PTGIS: variants seen among roughly 807,000 people sequenced by gnomAD.
PTGIS encodes the protein prostacyclin synthase.
Under a neutral mutation model 50.3 loss-of-function variants are expected in PTGIS, and 45 were observed. That is an observed-to-expected ratio of 0.90 (90% CI 0.70 to 1.15). The LOEUF (loss-of-function observed/expected upper bound fraction) is 1.15, where lower values mean the gene tolerates loss of function less well. Ranked by LOEUF, PTGIS falls within the 50% of genes most tolerant of loss-of-function variation. The probability of loss-of-function intolerance (pLI) is 0.00; values close to 1 mark genes in which losing one functional copy is unlikely to be tolerated. For missense variants in PTGIS, 668 were observed against 661.3 expected (o/e 1.01, Z -0.11); for synonymous variants, 260 against 267.7 (o/e 0.97, Z 0.28).
chr20:49,548,892 A>G (rs1982436542), intron 2 of PTGIS, among the ~76,000 whole-genome samples: 1 of 152,220 alleles, frequency 6.6e-6, no homozygotes, highest in Non-Finnish European at 1.5e-5. Flanking sequence ...AAATGTACCA[A>G]TAAATGTTGG....
At chr20:49,518,518 T>C (rs1365848141) in intron 6 of PTGIS, among the ~76,000 whole-genome samples, 2 of 152,198 alleles carry the variant, frequency 1.3e-5, no homozygotes, top group African/African-American at 4.8e-5. Flanking sequence ...TGTCCCAATG[T>C]GAATTTCTTA....
At chr20:49,555,999 G>T (rs993876125) in intron 1 of PTGIS, among the ~76,000 whole-genome samples, 4 of 152,280 alleles carry the variant, frequency 2.6e-5, no homozygotes, top group South Asian at 2.1e-4. Flanking sequence ...ACAGGAGATT[G>T]AAATAATCTT....
At chr20:49,522,696 T>C (rs1568672158) in intron 6 of PTGIS, among the ~76,000 whole-genome samples, 2 of 152,104 alleles carry the variant, frequency 1.3e-5, no homozygotes, top group Non-Finnish European at 2.9e-5. Flanking sequence ...GTAAATGTAA[T>C]GAGAAACAAT....
In PTGIS at chr20:49,540,818, C is replaced by T. The variant is rs902917291; in HGVS notation, c.522-1097G>A. On this transcript the variant is annotated intron_variant, in intron 4 of 9. Transcript: ENST00000244043. The surrounding 1 kb of genome is among the most constrained non-coding windows in gnomAD (Gnocchi z 4.8). Reference sequence around the variant, plus strand: ...GGCTTTCATTTTGTCATCTCTGCCTCAGCAGAGAGTCACAACAAAGAGACG... The same window carrying T: ...GGCTTTCATTTTGTCATCTCTGCCTTAGCAGAGAGTCACAACAAAGAGACG... Among the ~76,000 whole-genome samples the T allele has an allele frequency of 2.0e-5, 3 of 152,214 alleles. No individual in the cohort carries two copies. The highest frequency in any genetic ancestry group is 7.2e-5 in the African/African-American group (3 of 41,452).
At chr20:49,553,953 T>C (rs1173717968) in intron 1 of PTGIS, among the ~76,000 whole-genome samples, 1 of 152,174 alleles carries the variant, frequency 6.6e-6, no homozygotes, top group African/African-American at 2.4e-5. Flanking sequence ...TGTGAACAAG[T>C]TGACTATAAT....
intron 6 of PTGIS, among the ~76,000 whole-genome samples, chr20:49,516,598 G>A (rs1445679673): frequency 2.0e-5 from 3 of 152,156 alleles, no homozygotes; most frequent in Admixed American, 2.0e-4. Context: ...CTTAACCACA[G>A]AAGAAAAACC....
At chr20:49,519,358 T>C (rs1404139244) in intron 6 of PTGIS, among the ~76,000 whole-genome samples, 1 of 152,102 alleles carries the variant, frequency 6.6e-6, no homozygotes, top group East Asian at 1.9e-4. Flanking sequence ...CCAGGGTAAG[T>C]GCTCAGTATC....
At chr20:49,559,446 T>G (rs1982707245) in intron 1 of PTGIS, among the ~76,000 whole-genome samples, 2 of 152,212 alleles carry the variant, frequency 1.3e-5, no homozygotes, top group South Asian at 4.1e-4. Context: ...TCTAAATTAT[T>G]TCTTGCCTGA....
chr20:49,524,040 T>C lies in PTGIS; in HGVS notation c.855+18A>G. On this transcript the variant is annotated intron_variant, in intron 6 of 9. Transcript: ENST00000244043. ...CACATGCACACCTGCACACACCCAC[T>C]TGCACATTCACACCCACCTGTGTGG... 6.2e-7 allele frequency: 1 copy of C among 1,614,032 alleles called. No homozygotes were observed. Among genetic ancestry groups the C allele is most frequent in the South Asian group, 1.1e-5 (1 of 91,080 alleles).
chr20:49,528,492 C>T (rs187016846), intron 5 of PTGIS, among the ~76,000 whole-genome samples: 76 of 152,096 alleles, frequency 5.0e-4, no homozygotes, highest in Middle Eastern at 3.4e-3. Flanking sequence ...TGGTGGTGGG[C>T]GCCTGTAGTC....
At chr20:49,562,354 G>A (rs1404273790) in intron 1 of PTGIS, among the ~76,000 whole-genome samples, 2 of 152,214 alleles carry the variant, frequency 1.3e-5, no homozygotes. Flanking sequence ...GTTATTCCTG[G>A]CAGCTTTCCT....
intron 4 of PTGIS, 60 bp from the exon 5 acceptor site, chr20:49,539,781 T>TACTC: frequency 6.4e-7 from 1 of 1,566,470 alleles, no homozygotes; most frequent in Non-Finnish European, 8.6e-7. Flanking sequence ...TGGCCACAGC[T>TACTC]ACTCACAAGA....
At chr20:49,557,010 C>G (rs1261686260) in intron 1 of PTGIS, among the ~76,000 whole-genome samples, 1 of 152,134 alleles carries the variant, frequency 6.6e-6, no homozygotes, top group Non-Finnish European at 1.5e-5. Context: ...CATTTTCATA[C>G]CTGCCTACTG....
At position 49,514,432 on chromosome 20, in the gene PTGIS, G is replaced by A. The variant is rs779849848; in HGVS notation, c.856-37C>T. On this transcript the variant is annotated intron_variant, in intron 6 of 9. Transcript: ENST00000244043. ...AGGGCCCCTGTTATGCCATTATGAG[G>A]GCAGAGCTGACTCGTCTCTGCCAGG... The A allele has an allele frequency of 1.9e-6, 3 of 1,607,634 alleles. No individual in the cohort carries two copies. In the East Asian group the frequency reaches 6.7e-5, roughly 36 times the overall value.
chr20:49,507,838 G>A lies in PTGIS; in HGVS notation c.*82C>T, dbSNP rs975818366. 4 of 1,583,940 alleles carry A rather than the reference G, an allele frequency of 2.5e-6. No homozygotes were observed. The highest frequency in any genetic ancestry group is 2.7e-5 in the African/African-American group (2 of 74,536). ...GCTAGCACCTGCACCCGGGCCAACT[G>A]TGCACACAGAAAGCTGGGAGGCTGG... is the stretch of plus-strand genomic sequence containing the variant. On this transcript the variant is annotated 3_prime_UTR_variant, in exon 10 of 10. Coordinates refer to ENST00000244043, the MANE Select transcript of PTGIS (RefSeq NM_000961.4).
intron 1 of PTGIS, among the ~76,000 whole-genome samples, chr20:49,551,094 T>C (rs1461063478): frequency 2.0e-5 from 3 of 151,984 alleles, no homozygotes; most frequent in African/African-American, 2.4e-5. Context: ...GTAGTCCCAG[T>C]TACTCGGGAG....
At position 49,547,861 on chromosome 20, in the gene PTGIS, A is replaced by G. The variant is rs563814031; in HGVS notation, c.357T>C (p.Asp119=). Reference sequence around the variant, plus strand: ...CTCACAGTTTCATCCTGGCCTTTTCATCACTGGGGCTGTAATGTGGAAGCT... The same window carrying G: ...CTCACAGTTTCATCCTGGCCTTTTCGTCACTGGGGCTGTAATGTGGAAGCT... ...DVQLPHYSPS[D]EKARMKLTLL... Residue 119 remains aspartate, a synonymous_variant, in exon 3 of 10, where the codon GAT becomes GAC. Transcript: ENST00000244043. 31 of 1,614,070 alleles carry G rather than the reference A, an allele frequency of 1.9e-5. No homozygotes were observed. In the South Asian group the frequency reaches 3.3e-4, roughly 17 times the overall value.
chr20:49,563,477 T>C (rs1054835299), intron 1 of PTGIS, among the ~76,000 whole-genome samples: 2 of 152,222 alleles, frequency 1.3e-5, no homozygotes, highest in Non-Finnish European at 2.9e-5. Context: ...CTAGAATAGC[T>C]GCATGCTGGA....
chr20:49,540,146 T>G lies in PTGIS; in HGVS notation c.522-425A>C, dbSNP rs1302808392. Among the ~76,000 whole-genome samples the G allele has an allele frequency of 6.6e-6, 1 of 151,256 alleles. No homozygotes were observed. The highest frequency in any genetic ancestry group is 1.5e-5 in the Non-Finnish European group (1 of 67,784). On this transcript the variant is annotated intron_variant, in intron 4 of 9. Transcript: ENST00000244043. This position sits in a 1 kb window ranked among gnomAD's most constrained non-coding sequence, Gnocchi z 4.8. The stretch of plus-strand genomic sequence containing the variant: ...TAGGAAGCAGAGCAAGCACCAGGTG[T>G]GATGTCCTGGGGCAGGAGGGAGCCC...
Sources: allele counts gnomAD v4.1 joint callset (sites outside exome capture counted in the v4.1 genomes callset), GRCh38; gene constraint gnomAD v4.1.1; non-coding constraint Gnocchi (gnomAD v3.1); transcripts MANE v1.5; gene names NCBI Gene and HGNC (gene_info 2026-07-23, HGNC 2026-07-21).